Variants in TRIM29 observed in about 807,000 individuals in gnomAD.
TRIM29 encodes the protein tripartite motif-containing protein 29.
TRIM29 carries 52 observed loss-of-function variants against 57.3 expected under a neutral mutation model. The ratio of observed to expected loss-of-function variants is 0.91; its 90% CI spans 0.73 to 1.14. TRIM29 has a LOEUF of 1.14. TRIM29 is among the 50% of genes most tolerant of loss of function. The pLI is 0.00. For synonymous variants in TRIM29, 319 were observed against 316.9 expected (o/e 1.01, Z -0.07); for missense variants, 753 against 774.6 (o/e 0.97, Z 0.33).
chr11:120,131,009 A>C (rs1402658749), intron 1 of TRIM29, among the ~76,000 whole-genome samples: 2 of 152,122 alleles, frequency 1.3e-5, no homozygotes, highest in Non-Finnish European at 2.9e-5. Flanking sequence ...TGCAAGAGGG[A>C]AGCGTAGCTC....
At chr11:120,130,268 G>C (rs1863692374) in intron 1 of TRIM29, among the ~76,000 whole-genome samples, 1 of 152,132 alleles carries the variant, frequency 6.6e-6, no homozygotes, top group Non-Finnish European at 1.5e-5. Context: ...GAGAACTCCT[G>C]AGTGAAGTCC....
chr11:120,127,595 A>T (rs753839244), intron 2 of TRIM29, 26 bp from the exon 3 acceptor site: 2 of 1,602,708 alleles, frequency 1.2e-6, no homozygotes, highest in Non-Finnish European at 1.7e-6. Flanking sequence ...CAGGGAAGAG[A>T]TTAGGCAGGG....
intron 5 of TRIM29, chr11:120,121,215 T>A (rs1863437229): frequency 4.1e-6 from 1 of 241,498 alleles, no homozygotes; most frequent in Admixed American, 5.2e-5. Flanking sequence ...CACCCCCATT[T>A]CCGGCCCTGC....
At chr11:120,133,792 T>C (rs562776511) in intron 1 of TRIM29, among the ~76,000 whole-genome samples, 96 of 152,258 alleles carry the variant, frequency 6.3e-4, no homozygotes, top group African/African-American at 2.3e-3. Flanking sequence ...AAGCCACAGA[T>C]GTGGTGAGAG....
chr11:120,131,800 T>C (rs1244873867), intron 1 of TRIM29, among the ~76,000 whole-genome samples: 3 of 150,528 alleles, frequency 2.0e-5, no homozygotes, highest in African/African-American at 4.9e-5. Context: ...TAATATAACA[T>C]GGGAAGGTTT....
intron 5 of TRIM29, 168 bp from the exon 6 acceptor site, chr11:120,120,833 T>G (rs377061504): frequency 2.8e-6 from 2 of 703,928 alleles, no homozygotes; most frequent in African/African-American, 1.7e-5. Flanking sequence ...CAAATTGGCA[T>G]GCTTTTGAGA....
chr11:120,133,461 C>G (rs1863756498), intron 1 of TRIM29, among the ~76,000 whole-genome samples: 1 of 152,242 alleles, frequency 6.6e-6, no homozygotes, highest in South Asian at 2.1e-4. Context: ...CTGCCTGTCA[C>G]TTTGCTCCCC....
chr11:120,133,951 C>T (rs953951262), intron 1 of TRIM29, among the ~76,000 whole-genome samples: 1 of 152,090 alleles, frequency 6.6e-6, no homozygotes, highest in African/African-American at 2.4e-5. Context: ...CAGTGCAGGG[C>T]CCCCCAAGAG....
At position 120,122,993 on chromosome 11, in the gene TRIM29, C is replaced by A. The variant is rs1300831423; in HGVS notation, c.1396G>T (p.Asp466Tyr). 2 of 1,614,066 alleles carry A rather than the reference C, an allele frequency of 1.2e-6. No homozygotes were observed. Among genetic ancestry groups the A allele is most frequent in the Non-Finnish European group, 8.5e-7 (1 of 1,179,998 alleles). The change falls in exon 5 of 9, where the codon GAC (aspartate) becomes TAC (tyrosine). Residue 466 changes from aspartate (D) to tyrosine (Y), a missense_variant. By Grantham distance (160) the Asp-to-Tyr change is radical. Transcript: ENST00000341846. The part of the protein sequence containing the change: ...NSFGGEWSAP[D>Y]TMKRYSMYLT... ...TACATGGAGTATCTCTTCATGGTGT[C>A]CGGTGCACTCCACTCACCCCCGAAG...
chr11:120,116,868 C>T (rs488222), intron 7 of TRIM29: 251,940 of 289,420 alleles, frequency 0.87, 110,398 homozygotes, highest in African/African-American at 0.92. Flanking sequence ...GAGAAGGGAC[C>T]GGCACACCCT....
intron 8 of TRIM29, among the ~76,000 whole-genome samples, chr11:120,113,092 G>C (rs1043781723): frequency 2.0e-5 from 3 of 151,970 alleles, no homozygotes; most frequent in Admixed American, 1.3e-4. Flanking sequence ...GATTTTCTTT[G>C]CCTCTCTCTG....
At chr11:120,135,912 A>G (rs1191764014) in intron 1 of TRIM29, among the ~76,000 whole-genome samples, 1 of 152,190 alleles carries the variant, frequency 6.6e-6, no homozygotes, top group Non-Finnish European at 1.5e-5. Flanking sequence ...CACCCACAGC[A>G]GGAAGCTGTG....
intron 8 of TRIM29, among the ~76,000 whole-genome samples, chr11:120,114,907 C>A (rs1863228556): frequency 6.6e-6 from 1 of 152,126 alleles, no homozygotes; most frequent in Non-Finnish European, 1.5e-5. Context: ...CACATTATCA[C>A]CCCAATGGCC....
intron 1 of TRIM29, chr11:120,128,766 A>C: frequency 6.5e-7 from 1 of 1,534,810 alleles, no homozygotes; most frequent in Middle Eastern, 1.7e-4. Context: ...TTAAGGGCTA[A>C]ACCTCTGCCT....
intron 5 of TRIM29, 163 bp from the exon 6 acceptor site, chr11:120,120,828 T>C: frequency 1.4e-6 from 1 of 707,048 alleles, no homozygotes; most frequent in Non-Finnish European, 2.6e-6. Flanking sequence ...TCACCCAAAT[T>C]GGCATGCTTT....
In TRIM29 at chr11:120,137,057, G is replaced by A. The variant is rs1863831112; in HGVS notation, c.804+171C>T. ...GGGAGCAACCTCTGATCCCCAGCTG[G>A]GATTAGGGGGGACAGGGGGCATGAG... On this transcript the variant is annotated intron_variant, in intron 1 of 8. Coordinates refer to ENST00000341846, the MANE Select transcript of TRIM29 (RefSeq NM_012101.4). The surrounding 1 kb of genome is among the most constrained non-coding windows in gnomAD (Gnocchi z 6.2). Among the ~76,000 whole-genome samples, 1 of 152,186 alleles carries A rather than the reference G, an allele frequency of 6.6e-6. No individual in the cohort carries two copies. Among genetic ancestry groups the A allele is most frequent in the African/African-American group, 2.4e-5 (1 of 41,450 alleles).
chr11:120,135,683 TG>T (rs1863802215), intron 1 of TRIM29, among the ~76,000 whole-genome samples: 1 of 152,164 alleles, frequency 6.6e-6, no homozygotes, highest in Non-Finnish European at 1.5e-5. Context: ...ACGAGGCTTC[TG>T]GAAGGAATCT....
intron 1 of TRIM29, among the ~76,000 whole-genome samples, chr11:120,135,117 A>G (rs1337518807): frequency 6.6e-6 from 1 of 152,192 alleles, no homozygotes; most frequent in Non-Finnish European, 1.5e-5. Context: ...GGGCTGCCCA[A>G]GACCCTCCTG....
intron 3 of TRIM29, 186 bp from the exon 4 acceptor site, chr11:120,126,075 C>CA: frequency 1.6e-6 from 1 of 616,428 alleles, no homozygotes. Context: ...TGCTAACATC[C>CA]CTGATGGCAC....
Sources: gnomAD v4.1 joint callset for allele counts (sites outside exome capture counted in the v4.1 genomes callset) on GRCh38, gnomAD v4.1.1 for gene constraint, Gnocchi (gnomAD v3.1) non-coding constraint, MANE v1.5 for transcripts, NCBI Gene and HGNC (gene_info 2026-07-23, HGNC 2026-07-21) for gene names.